PHACTR3: variants seen among roughly 807,000 people sequenced by gnomAD.
PHACTR3 encodes phosphatase and actin regulator 3.
Under a neutral mutation model 66.8 loss-of-function variants are expected in PHACTR3, and 16 were observed. The ratio of observed to expected loss-of-function variants is 0.24; its 90% CI spans 0.16 to 0.36. The LOEUF (loss-of-function observed/expected upper bound fraction) is 0.36, where lower values mean the gene tolerates loss of function less well. Ranked by LOEUF, PHACTR3 falls within the 10% of genes least tolerant of loss-of-function variation. The pLI is 1.00. For synonymous variants in PHACTR3, 323 were observed against 292.1 expected (o/e 1.11, Z -1.08); for missense variants, 647 against 719.9 (o/e 0.90, Z 1.16).
At chr20:59,616,195 A>T (rs1217565587) in intron 1 of PHACTR3, among the ~76,000 whole-genome samples, 1 of 152,168 alleles carries the variant, frequency 6.6e-6, no homozygotes. Context: ...TGATGCTGAG[A>T]TGAGATGAAT....
At chr20:59,680,837 C>T (rs906754831) in intron 1 of PHACTR3, among the ~76,000 whole-genome samples, 9 of 152,148 alleles carry the variant, frequency 5.9e-5, no homozygotes, top group Non-Finnish European at 8.8e-5. Flanking sequence ...CAGGACAGGC[C>T]GGAGGCTCAG....
chr20:59,674,804 CA>C lies in PHACTR3; in HGVS notation c.119-68302del, dbSNP rs375286439. ...TCTGTTTCCCCCCTTCTCCTCTTCC[CA>C]CCTTCTCCTGTCCCCCACTTCTCCT... On this transcript the variant is annotated intron_variant, in intron 1 of 12. Coordinates refer to ENST00000371015, the MANE Select transcript of PHACTR3 (RefSeq NM_080672.5). 8.7e-3 allele frequency among the ~76,000 whole-genome samples: 419 copies of C among 48,006 alleles called. 4 individuals carry two copies. The highest frequency in any genetic ancestry group is 0.023 in the Middle Eastern group (2 of 88). The allele number at this position is 48,006 out of a possible 152,430, so 31.5% of individuals were successfully genotyped here.
intron 1 of PHACTR3, among the ~76,000 whole-genome samples, chr20:59,706,788 C>T (rs189860338): frequency 4.6e-5 from 7 of 152,292 alleles, no homozygotes; most frequent in East Asian, 1.9e-4. Flanking sequence ...CCAGACTAGA[C>T]GCACAGCAGG....
intron 1 of PHACTR3, among the ~76,000 whole-genome samples, chr20:59,682,843 G>A (rs571942519): frequency 6.6e-6 from 1 of 152,190 alleles, no homozygotes; most frequent in Non-Finnish European, 1.5e-5. Context: ...TTGCTGGGGA[G>A]GGAGACGGGA....
Position 59,691,836 on chromosome 20 carries a change from A to G in PHACTR3, c.119-51271A>G, listed in dbSNP as rs142465857. ...GTTTATGGCAGTGAGAAACCAGGGAATCCCCAACCCTGAACCCACCTCCAG... is the reference window on the plus strand; with the variant it reads ...GTTTATGGCAGTGAGAAACCAGGGAGTCCCCAACCCTGAACCCACCTCCAG... On this transcript the variant is annotated intron_variant, in intron 1 of 12. Coordinates refer to ENST00000371015, the MANE Select transcript of PHACTR3 (RefSeq NM_080672.5). 1.2e-3 allele frequency among the ~76,000 whole-genome samples: 183 copies of G among 152,282 alleles called. 1 individual carries two copies. The highest frequency in any genetic ancestry group is 4.2e-3 in the African/African-American group (175 of 41,554).
intron 1 of PHACTR3, among the ~76,000 whole-genome samples, chr20:59,608,059 G>A (rs771734482): frequency 5.3e-5 from 8 of 152,102 alleles, no homozygotes; most frequent in Non-Finnish European, 7.4e-5. Context: ...CACACTTTCC[G>A]TAATCTATGA....
chr20:59,672,201 C>T (rs1011262427), intron 1 of PHACTR3, among the ~76,000 whole-genome samples: 3 of 152,298 alleles, frequency 2.0e-5, no homozygotes, highest in South Asian at 2.1e-4. Context: ...GTGCCCAGGA[C>T]GGCCCCCGCC....
intron 1 of PHACTR3, among the ~76,000 whole-genome samples, chr20:59,666,793 G>T (rs1397311564): frequency 6.6e-6 from 1 of 152,240 alleles, no homozygotes; most frequent in East Asian, 1.9e-4. Flanking sequence ...AAGGGGACAT[G>T]CAGGGCAGGC....
At chr20:59,609,406 T>C (rs2033779787) in intron 1 of PHACTR3, among the ~76,000 whole-genome samples, 1 of 151,864 alleles carries the variant, frequency 6.6e-6, no homozygotes, top group African/African-American at 2.4e-5. Context: ...GACACCTCCC[T>C]CTCCCAAGGT....
chr20:59,806,716 T>C (rs540605066), intron 8 of PHACTR3, among the ~76,000 whole-genome samples: 1 of 152,224 alleles, frequency 6.6e-6, no homozygotes, highest in African/African-American at 2.4e-5. Flanking sequence ...GGATACATTC[T>C]GAGAAATGCG....
chr20:59,640,076 C>T (rs2035048903), intron 1 of PHACTR3, among the ~76,000 whole-genome samples: 1 of 152,198 alleles, frequency 6.6e-6, no homozygotes, highest in Non-Finnish European at 1.5e-5. Context: ...GACAGTAGAG[C>T]ATAGCAGATG....
At chr20:59,758,173 C>T (rs574297992) in intron 4 of PHACTR3, among the ~76,000 whole-genome samples, 202 of 152,286 alleles carry the variant, frequency 1.3e-3, no homozygotes, top group Non-Finnish European at 2.2e-3. Flanking sequence ...TTCCCAGCTT[C>T]CCCAGTGTGG....
intron 1 of PHACTR3, chr20:59,626,834 A>C (rs1489420805): frequency 6.6e-6 from 1 of 152,242 alleles, no homozygotes; most frequent in African/African-American, 2.4e-5. Flanking sequence ...CTGCATCACA[A>C]TTCCTTGGAC....
chr20:59,813,531 C>T (rs1020568976), intron 8 of PHACTR3, among the ~76,000 whole-genome samples: 8 of 152,160 alleles, frequency 5.3e-5, no homozygotes, highest in African/African-American at 7.2e-5. Flanking sequence ...ACGTGCTAGG[C>T]GCTGGGGTGC....
chr20:59,622,989 A>AAAAAAACAAAAAAAAAC (rs2034305341), intron 1 of PHACTR3, among the ~76,000 whole-genome samples: 2 of 141,470 alleles, frequency 1.4e-5, no homozygotes, highest in East Asian at 2.0e-4. Context: ...ACCAAAAAAA[A>AAAAAAACAAAAAAAAAC]AAAAAAAAAA....
intron 1 of PHACTR3, among the ~76,000 whole-genome samples, chr20:59,644,235 T>C (rs551513240): frequency 3.3e-5 from 5 of 152,304 alleles, no homozygotes; most frequent in Admixed American, 2.6e-4. Context: ...CACAGAGCTA[T>C]GGTGATGGAG....
At chr20:59,680,556 T>C (rs185378843) in intron 1 of PHACTR3, among the ~76,000 whole-genome samples, 1 of 152,202 alleles carries the variant, frequency 6.6e-6, no homozygotes, top group Non-Finnish European at 1.5e-5. Flanking sequence ...GCAACCTTCA[T>C]GTAACCCAAG....
chr20:59,749,517 C>T (rs1213780657), intron 3 of PHACTR3, among the ~76,000 whole-genome samples: 2 of 152,186 alleles, frequency 1.3e-5, no homozygotes, highest in Non-Finnish European at 2.9e-5. Flanking sequence ...TGGCTCTCAC[C>T]CTGCTGCCGT....
intron 9 of PHACTR3, 98 bp downstream of exon 9, chr20:59,836,658 G>A (rs1469126754): frequency 2.6e-5 from 31 of 1,212,540 alleles, no homozygotes; most frequent in Admixed American, 2.0e-4. Context: ...CTCTGCAAGC[G>A]GAATGCTCCA....
Sources: gnomAD v4.1 joint callset for allele counts (sites outside exome capture counted in the v4.1 genomes callset) on GRCh38, gnomAD v4.1.1 for gene constraint, MANE v1.5 for transcripts, NCBI Gene and HGNC (gene_info 2026-07-23, HGNC 2026-07-21) for gene names.